Variants in RGS6 observed in about 807,000 individuals in gnomAD.
The protein encoded by RGS6 is regulator of G-protein signaling 6.
RGS6 carries 30 observed loss-of-function variants against 78.5 expected under a neutral mutation model. The ratio of observed to expected loss-of-function variants is 0.38; its 90% CI spans 0.29 to 0.52. RGS6 has a LOEUF of 0.52. RGS6 is among the 20% of genes least tolerant of loss of function. RGS6 has a pLI of 0.85. For synonymous variants in RGS6, 206 were observed against 206.0 expected (o/e 1.00, Z 0.00); for missense variants, 495 against 609.7 (o/e 0.81, Z 1.98).
intron 2 of RGS6, among the ~76,000 whole-genome samples, chr14:72,118,645 T>C (rs1268607514): frequency 2.0e-5 from 3 of 152,218 alleles, no homozygotes; most frequent in Admixed American, 2.0e-4. Flanking sequence ...GTCATAGCCC[T>C]GGACAGCACT....
At chr14:72,305,955 G>T (rs530782155) in intron 2 of RGS6, among the ~76,000 whole-genome samples, 5 of 152,326 alleles carry the variant, frequency 3.3e-5, no homozygotes, top group Non-Finnish European at 5.9e-5. Context: ...TGCTACTCCA[G>T]TGAAAACAGG....
chr14:72,350,714 A>C (rs973226029), intron 2 of RGS6, among the ~76,000 whole-genome samples: 4 of 152,168 alleles, frequency 2.6e-5, no homozygotes, highest in Non-Finnish European at 5.9e-5. Context: ...CCTTTGTGCT[A>C]AGCCACTGAC....
At chr14:72,618,838 G>T in the RGS6 span, among the ~76,000 whole-genome samples, 1 of 152,314 alleles carries the variant, frequency 6.6e-6, no homozygotes, top group African/African-American at 2.4e-5. Flanking sequence ...ACAGCCCTTT[G>T]TTCCTCAGGT....
At chr14:72,031,870 T>G (rs1383072542) in intron 2 of RGS6, among the ~76,000 whole-genome samples, 2 of 152,328 alleles carry the variant, frequency 1.3e-5, no homozygotes, top group East Asian at 3.9e-4. Context: ...GGGATAATAC[T>G]CCAATAAATG....
intron 2 of RGS6, among the ~76,000 whole-genome samples, chr14:72,198,980 C>G (rs757795787): frequency 1.3e-5 from 2 of 152,180 alleles, no homozygotes; most frequent in Non-Finnish European, 2.9e-5. Context: ...TGTTTATTAG[C>G]AATGGTTCTC....
At chr14:72,293,427 GTTC>G (rs2064023088) in intron 2 of RGS6, among the ~76,000 whole-genome samples, 1 of 152,140 alleles carries the variant, frequency 6.6e-6, no homozygotes. Context: ...GTTTTGAAAA[GTTC>G]TTCGGATGGG....
intron 2 of RGS6, among the ~76,000 whole-genome samples, chr14:72,071,142 A>G (rs368327035): frequency 6.6e-6 from 1 of 152,218 alleles, no homozygotes; most frequent in East Asian, 1.9e-4. Flanking sequence ...CCTTATTTTT[A>G]AACATTATGT....
At chr14:72,321,026 A>T (rs967927671) in intron 2 of RGS6, among the ~76,000 whole-genome samples, 3 of 151,138 alleles carry the variant, frequency 2.0e-5, no homozygotes, top group African/African-American at 7.3e-5. Context: ...TATAAGGTAC[A>T]TGTTTAATAT....
chr14:72,446,571 C>T (rs2095368916), intron 3 of RGS6, among the ~76,000 whole-genome samples: 2 of 152,152 alleles, frequency 1.3e-5, no homozygotes, highest in South Asian at 2.1e-4. Context: ...AGTTTTTCCA[C>T]GGACCAGGGT....
chr14:72,048,825 T>A (rs2093043468), intron 2 of RGS6, among the ~76,000 whole-genome samples: 1 of 152,160 alleles, frequency 6.6e-6, no homozygotes, highest in South Asian at 2.1e-4. Context: ...TTGCAGTAAT[T>A]TTTTTAAAAA....
At chr14:72,191,040 T>G (rs1462182525) in intron 2 of RGS6, among the ~76,000 whole-genome samples, 1 of 152,208 alleles carries the variant, frequency 6.6e-6, no homozygotes, top group Non-Finnish European at 1.5e-5. Flanking sequence ...TCATTACTCC[T>G]GTATTTTAAA....
At chr14:71,896,446 G>A in the RGS6 span, among the ~76,000 whole-genome samples, 2 of 152,116 alleles carry the variant, frequency 1.3e-5, no homozygotes, top group Non-Finnish European at 2.9e-5. Context: ...AGGATGACCC[G>A]AAGTCACTCT....
chr14:72,154,218 T>C (rs1204997749), intron 2 of RGS6, among the ~76,000 whole-genome samples: 1 of 152,200 alleles, frequency 6.6e-6, no homozygotes, highest in South Asian at 2.1e-4. Flanking sequence ...TATGGTTGTC[T>C]TCCCTTGTTC....
chr14:71,943,306 A>C lies in RGS6; in HGVS notation c.-21+10365A>C, dbSNP rs145463706. On this transcript the variant is annotated intron_variant, in intron 1 of 17. Transcript: ENST00000553525. The stretch of plus-strand genomic sequence containing the variant: ...AAATACCCTTTGAGTATGTGTGACC[A>C]TGAGAATAGAGGACCCTGTATGAAG... Among the ~76,000 whole-genome samples the C allele has an allele frequency of 4.1e-4, 63 of 152,296 alleles. No homozygotes were observed. The Middle Eastern group carries it at 0.01, about 25-fold the overall frequency.
At chr14:72,379,770 G>A (rs2085589426) in intron 3 of RGS6, among the ~76,000 whole-genome samples, 1 of 151,970 alleles carries the variant, frequency 6.6e-6, no homozygotes, top group Non-Finnish European at 1.5e-5. Context: ...TGGATTCAAT[G>A]CAATCTCTAC....
intron 3 of RGS6, among the ~76,000 whole-genome samples, chr14:72,398,605 G>A (rs534320927): frequency 6.6e-6 from 1 of 152,208 alleles, no homozygotes; most frequent in East Asian, 1.9e-4. Context: ...TTTTGAATGT[G>A]TTTGCTCTTG....
rs147085020 is a variant in RGS6, at chr14:72,504,744, C to CTCCTT, written c.966-5387_966-5383dup. 2.5e-3 allele frequency among the ~76,000 whole-genome samples: 374 copies of CTCCTT among 148,500 alleles called. 7 individuals are homozygous for CTCCTT. The highest frequency in any genetic ancestry group is 0.015 in the Admixed American group (230 of 14,906). The stretch of plus-strand genomic sequence containing the variant: ...CCCCTCCCCTCCTCTCCCCTTCCCT[C>CTCCTT]TCCTTTCCTTTCCTTTCCTTTCCTT... On this transcript the variant is annotated intron_variant, in intron 13 of 17. Transcript: ENST00000553525.
chr14:72,592,453 G>A, the RGS6 span, among the ~76,000 whole-genome samples: 2 of 152,230 alleles, frequency 1.3e-5, no homozygotes, highest in Admixed American at 6.5e-5. Flanking sequence ...GTGTTAAGCT[G>A]AAGGTTTGCC....
intron 2 of RGS6, among the ~76,000 whole-genome samples, chr14:71,977,583 C>T (rs2153101743): frequency 6.6e-6 from 1 of 150,440 alleles, no homozygotes; most frequent in South Asian, 2.1e-4. Flanking sequence ...AGATATGTGG[C>T]ATTATTTCTG....
Sources: gnomAD v4.1 joint callset for allele counts (sites outside exome capture counted in the v4.1 genomes callset) on GRCh38, gnomAD v4.1.1 for gene constraint, MANE v1.5 for transcripts, NCBI Gene and HGNC (gene_info 2026-07-23, HGNC 2026-07-21) for gene names.